SGCZ: variants seen among roughly 807,000 people sequenced by gnomAD.
SGCZ encodes the protein sarcoglycan zeta.
A neutral mutation model predicts 41.3 loss-of-function variants in SGCZ; 40 were observed. That is an observed-to-expected ratio of 0.97 (90% CI 0.75 to 1.26). SGCZ has a LOEUF of 1.26. SGCZ is among the 50% of genes most tolerant of loss of function. The pLI is 0.00. For synonymous variants in SGCZ, 206 were observed against 137.5 expected (o/e 1.50, Z -3.49); for missense variants, 552 against 369.8 (o/e 1.49, Z -4.04).
intron 1 of SGCZ, among the ~76,000 whole-genome samples, chr8:14,865,040 T>G (rs115215921): frequency 6.6e-6 from 1 of 152,138 alleles, no homozygotes. Flanking sequence ...ATATTCTGGA[T>G]TAATCCTTGT....
intron 5 of SGCZ, among the ~76,000 whole-genome samples, chr8:14,163,345 G>A (rs759971473): frequency 6.6e-5 from 10 of 152,096 alleles, no homozygotes; most frequent in Non-Finnish European, 1.3e-4. Flanking sequence ...ACAGGCTCCA[G>A]TGTGTGTTGT....
At chr8:14,452,482 C>A (rs1800623335) in intron 2 of SGCZ, among the ~76,000 whole-genome samples, 1 of 150,614 alleles carries the variant, frequency 6.6e-6, no homozygotes. Context: ...GACTCGATCT[C>A]AAAAAAATAA....
At chr8:14,982,305 G>C (rs1801693008) in intron 1 of SGCZ, among the ~76,000 whole-genome samples, 1 of 152,202 alleles carries the variant, frequency 6.6e-6, no homozygotes, top group Non-Finnish European at 1.5e-5. Context: ...CAAGTCCGTG[G>C]AGTTCAAAGA....
chr8:15,116,483 T>C (rs138979199), intron 1 of SGCZ, among the ~76,000 whole-genome samples: 1 of 152,300 alleles, frequency 6.6e-6, no homozygotes, highest in East Asian at 1.9e-4. Context: ...TAAAAATGCC[T>C]TAGATCAATT....
intron 1 of SGCZ, among the ~76,000 whole-genome samples, chr8:14,918,237 T>C (rs1023318372): frequency 1.3e-5 from 2 of 152,152 alleles, no homozygotes. Context: ...GAAGTAAATA[T>C]AGCAGCAGAG....
intron 1 of SGCZ, among the ~76,000 whole-genome samples, chr8:14,619,345 C>A (rs1457264671): frequency 6.6e-6 from 1 of 152,046 alleles, no homozygotes; most frequent in Non-Finnish European, 1.5e-5. Flanking sequence ...ACTGAATGGG[C>A]AAAAACTGGA....
At chr8:14,789,341 TACA>T (rs1472043202) in intron 1 of SGCZ, among the ~76,000 whole-genome samples, 4 of 152,132 alleles carry the variant, frequency 2.6e-5, no homozygotes, top group African/African-American at 9.7e-5. Context: ...ATCAGATAAT[TACA>T]ACATTTTAAT....
In SGCZ at chr8:14,643,376, T is replaced by A. The variant is rs575489281; in HGVS notation, c.40-88450A>T. Among the ~76,000 whole-genome samples, 10 of 151,802 alleles carry A rather than the reference T, an allele frequency of 6.6e-5. No individual in the cohort carries two copies. The South Asian group carries it at 1.2e-3, about 19-fold the overall frequency. On this transcript the variant is annotated intron_variant, in intron 1 of 7. Transcript: ENST00000382080. ...TTTGGATTCATGAATATTATTGTTG[T>A]AAATGCAAGTAGCTCTGAATAAGAA... is the stretch of plus-strand genomic sequence containing the variant.
intron 2 of SGCZ, among the ~76,000 whole-genome samples, chr8:14,493,655 C>G (rs1016169630): frequency 6.6e-6 from 1 of 151,468 alleles, no homozygotes; most frequent in Non-Finnish European, 1.5e-5. Context: ...CATGAGTCAC[C>G]GTTCCTGGCC....
chr8:14,469,970 G>A (rs192745628), intron 2 of SGCZ, among the ~76,000 whole-genome samples: 1 of 152,214 alleles, frequency 6.6e-6, no homozygotes, highest in East Asian at 1.9e-4. Flanking sequence ...ATCCACTCCA[G>A]CAAGTTAATT....
chr8:14,776,785 G>A (rs1040328194), intron 1 of SGCZ, among the ~76,000 whole-genome samples: 3 of 151,876 alleles, frequency 2.0e-5, no homozygotes, highest in Admixed American at 6.6e-5. Flanking sequence ...GAGCTATGGC[G>A]CCCAGCCCAG....
intron 2 of SGCZ, among the ~76,000 whole-genome samples, chr8:14,410,404 A>AAG (rs988516560): frequency 1.3e-5 from 2 of 151,864 alleles, no homozygotes; most frequent in African/African-American, 4.8e-5. Context: ...ATTTAAGAAA[A>AAG]AAAAAAACAG....
chr8:14,455,228 C>T (rs1404125424), intron 2 of SGCZ, among the ~76,000 whole-genome samples: 1 of 151,844 alleles, frequency 6.6e-6, no homozygotes, highest in Non-Finnish European at 1.5e-5. Flanking sequence ...CATGATCAGA[C>T]AATTTATAAA....
At chr8:14,111,534 T>G (rs1257456165) in intron 5 of SGCZ, among the ~76,000 whole-genome samples, 1 of 152,192 alleles carries the variant, frequency 6.6e-6, no homozygotes, top group Non-Finnish European at 1.5e-5. Flanking sequence ...GAATAAATGT[T>G]TGTTTTTCAT....
At chr8:14,566,191 A>C (rs947509623) in intron 1 of SGCZ, among the ~76,000 whole-genome samples, 2 of 152,250 alleles carry the variant, frequency 1.3e-5, no homozygotes, top group Middle Eastern at 3.2e-3. Context: ...GACTATTTAG[A>C]TAAAGAGAAA....
At chr8:15,194,455 G>A (rs997382076) in intron 1 of SGCZ, among the ~76,000 whole-genome samples, 6 of 152,034 alleles carry the variant, frequency 3.9e-5, no homozygotes, top group East Asian at 3.9e-4. Flanking sequence ...TCTTAATCCC[G>A]AAAACGCATG....
chr8:15,195,542 TC>T (rs1391077020), intron 1 of SGCZ, among the ~76,000 whole-genome samples: 1 of 152,166 alleles, frequency 6.6e-6, no homozygotes, highest in African/African-American at 2.4e-5. Flanking sequence ...GCCTCCTCTT[TC>T]ACAATGCTAA....
At chr8:14,964,586 A>G (rs780427416) in intron 1 of SGCZ, among the ~76,000 whole-genome samples, 3 of 152,228 alleles carry the variant, frequency 2.0e-5, no homozygotes, top group Non-Finnish European at 4.4e-5. Flanking sequence ...GAATATTTGA[A>G]TTCAGCCAAT....
intron 4 of SGCZ, among the ~76,000 whole-genome samples, chr8:14,218,748 A>G (rs996804458): frequency 6.6e-6 from 1 of 152,224 alleles, no homozygotes; most frequent in African/African-American, 2.4e-5. Flanking sequence ...AATGTGTCGT[A>G]AAGCAGCAGA....
Sources: allele counts gnomAD v4.1 joint callset (sites outside exome capture counted in the v4.1 genomes callset), GRCh38; gene constraint gnomAD v4.1.1; transcripts MANE v1.5; gene names NCBI Gene and HGNC (gene_info 2026-07-23, HGNC 2026-07-21).